Variants in MYO1B observed in about 807,000 individuals in gnomAD.
The protein encoded by MYO1B is unconventional myosin-Ib.
A neutral mutation model predicts 159.7 loss-of-function variants in MYO1B; 72 were observed. The observed-to-expected ratio is 0.45, with a 90% CI of 0.37 to 0.55. The LOEUF (loss-of-function observed/expected upper bound fraction) is 0.55. MYO1B is among the 20% of genes least tolerant of loss of function. The pLI, the probability that MYO1B is intolerant of heterozygous loss-of-function variation, is 0.00. For synonymous variants in MYO1B, 468 were observed against 473.8 expected, an observed-to-expected ratio of 0.99 and a Z score of 0.16; for missense variants, 1,062 against 1,364.8, an observed-to-expected ratio of 0.78 and a Z score of 3.50.
chr2:191,400,250 C>T (rs1297347948), intron 21 of MYO1B, 132 bp from the exon 22 acceptor site: 5 of 961,830 alleles, frequency 5.2e-6, no homozygotes, highest in Non-Finnish European at 6.6e-6. Flanking sequence ...GTCACCTTCG[C>T]CTTCTTTAAC....
In MYO1B at chr2:191,393,220, G is replaced by A. The variant is rs144746985; in HGVS notation, c.2224G>A (p.Ala742Thr). 1 of 1,613,604 alleles carries A rather than the reference G, an allele frequency of 6.2e-7. No individual in the cohort carries two copies. Among genetic ancestry groups the A allele is most frequent in the Non-Finnish European group, 8.5e-7 (1 of 1,179,672 alleles). ...IVIAAWYRRY[A>T]QQKRYQQTKS... Reference sequence around the variant, plus strand: ...GATTGCCGCCTGGTACAGGAGATATGCGGTAAGAGTCTCAGTCATTTTAAA... The same window carrying A: ...GATTGCCGCCTGGTACAGGAGATATACGGTAAGAGTCTCAGTCATTTTAAA... Residue 742 changes from alanine (A) to threonine (T), a missense_variant and splice_region_variant, in exon 20 of 31, where the codon GCG becomes ACG. By Grantham distance (58) the Ala-to-Thr change is moderately conservative. Around this residue, in one of 5 missense-constraint regions of MYO1B, gnomAD observed 609 missense variants for 744.4 expected, o/e 0.82. Coordinates refer to ENST00000392318, the MANE Select transcript of MYO1B (RefSeq NM_001130158.3).
At chr2:191,283,422 A>C (rs992121669) in intron 2 of MYO1B, among the ~76,000 whole-genome samples, 2 of 152,230 alleles carry the variant, frequency 1.3e-5, no homozygotes, top group Admixed American at 1.3e-4. Context: ...TGGCCCTGCC[A>C]CTTAGTGAGA....
intron 1 of MYO1B, among the ~76,000 whole-genome samples, chr2:191,271,554 A>G (rs1013310967): frequency 1.3e-5 from 2 of 152,100 alleles, no homozygotes; most frequent in Non-Finnish European, 2.9e-5. Flanking sequence ...ATTTAAAACC[A>G]TGTTAGTGAT....
chr2:191,341,591 C>T lies in MYO1B; in HGVS notation c.451+26C>T, dbSNP rs761309314. 1.3e-5 allele frequency: 21 copies of T among 1,572,998 alleles called. No individual in the cohort carries two copies. The East Asian group carries it at 2.7e-4, about 20-fold the overall frequency. On this transcript the variant is annotated intron_variant, in intron 5 of 30. Transcript: ENST00000392318. ...GTAGGATGTGTTATGTTCATTAAGT[C>T]GGTGTGACTCAAACAGTAGATTGAG...
chr2:191,296,705 T>G (rs1689005450), intron 3 of MYO1B, among the ~76,000 whole-genome samples: 1 of 152,226 alleles, frequency 6.6e-6, no homozygotes, highest in Non-Finnish European at 1.5e-5. Context: ...TGATTTCACT[T>G]ACTCTGGAAA....
At chr2:191,303,079 A>G (rs983404180) in intron 3 of MYO1B, among the ~76,000 whole-genome samples, 1 of 152,198 alleles carries the variant, frequency 6.6e-6, no homozygotes, top group Non-Finnish European at 1.5e-5. Context: ...TATAAAGAAC[A>G]TTTCTGACTA....
chr2:191,405,698 T>C (rs1006768006), intron 24 of MYO1B, among the ~76,000 whole-genome samples: 1 of 152,238 alleles, frequency 6.6e-6, no homozygotes, highest in Admixed American at 6.5e-5. Context: ...TTGAAAGTTC[T>C]CTCTTTTCTG....
intron 30 of MYO1B, among the ~76,000 whole-genome samples, chr2:191,423,446 A>G (rs1335798445): frequency 6.6e-6 from 1 of 152,216 alleles, no homozygotes; most frequent in Non-Finnish European, 1.5e-5. Flanking sequence ...GTATGTTTAC[A>G]TCAGTCACCA....
intron 7 of MYO1B, among the ~76,000 whole-genome samples, chr2:191,358,129 A>G (rs1693421008): frequency 6.6e-6 from 1 of 152,148 alleles, no homozygotes; most frequent in Admixed American, 6.5e-5. Context: ...GAAAATTATA[A>G]AGACTGTAAG....
chr2:191,377,504 A>G (rs969126337), intron 13 of MYO1B: 3 of 152,180 alleles, frequency 2.0e-5, no homozygotes, highest in African/African-American at 7.2e-5. Context: ...ATTGCTGGCT[A>G]TTCACACAGT....
At chr2:191,309,019 A>G (rs1689822701) in intron 3 of MYO1B, among the ~76,000 whole-genome samples, 1 of 152,150 alleles carries the variant, frequency 6.6e-6, no homozygotes. Context: ...AGATGAGCCT[A>G]CGTGGGCTTC....
At chr2:191,305,127 CA>C (rs1574386238) in intron 3 of MYO1B, among the ~76,000 whole-genome samples, 1 of 152,338 alleles carries the variant, frequency 6.6e-6, no homozygotes, top group East Asian at 1.9e-4. Flanking sequence ...GAGAGAGCCA[CA>C]GTTGGAACCC....
intron 1 of MYO1B, among the ~76,000 whole-genome samples, chr2:191,272,047 G>C (rs927205152): frequency 6.6e-6 from 1 of 152,148 alleles, no homozygotes; most frequent in African/African-American, 2.4e-5. Flanking sequence ...TTGAAATGCT[G>C]CTGTCAGTAT....
At chr2:191,346,944 C>T (rs2125974104) in intron 6 of MYO1B, among the ~76,000 whole-genome samples, 1 of 152,330 alleles carries the variant, frequency 6.6e-6, no homozygotes, top group Admixed American at 6.5e-5. Context: ...TCTTGGGTGC[C>T]TCTACCCTTT....
chr2:191,312,767 G>A (rs1366505603), intron 3 of MYO1B, among the ~76,000 whole-genome samples: 1 of 152,174 alleles, frequency 6.6e-6, no homozygotes, highest in African/African-American at 2.4e-5. Context: ...ATAAATAGAA[G>A]TTCTGATGTT....
chr2:191,351,122 C>T (rs935614942), intron 7 of MYO1B, among the ~76,000 whole-genome samples: 1 of 151,840 alleles, frequency 6.6e-6, no homozygotes, highest in Non-Finnish European at 1.5e-5. Flanking sequence ...TTCTCCTGCC[C>T]TTGCCTGCCT....
chr2:191,400,445 G>T lies in MYO1B; in HGVS notation c.2359G>T (p.Ala787Ser), dbSNP rs1268625975. 8.1e-6 allele frequency: 13 copies of T among 1,614,104 alleles called. No homozygotes were observed. The highest frequency in any genetic ancestry group is 1.1e-5 in the Non-Finnish European group (13 of 1,180,034). The change falls in exon 22 of 31, where the codon GCT becomes TCT. Residue 787 changes from alanine (A) to serine (S), a missense_variant. Ala to Ser is a moderately conservative substitution (Grantham distance 99, BLOSUM62 1). Transcript: ENST00000392318. ...CTGTAAGGAAGCAGTCACGACCATT[G>T]CTGCATATTGGCATGGGACCCAGGT... ...KRCKEAVTTI[A>S]AYWHGTQARR...
In MYO1B at chr2:191,400,596, C is replaced by G. The variant is rs530226913; in HGVS notation, c.2382+128C>G. On this transcript the variant is annotated intron_variant, in intron 22 of 30. Transcript: ENST00000392318. ...ACTGAGCACGTGTTTGCTTCTTGCT[C>G]TTTCCAACATTTTGTTGTGGGGTGG... is the stretch of plus-strand genomic sequence containing the variant. 1.6e-4 allele frequency: 214 copies of G among 1,358,812 alleles called. No individual in the cohort carries two copies. In the African/African-American group the frequency reaches 1.8e-3, roughly 11 times the overall value. 84.2% of individuals were successfully genotyped at this position (1,358,812 alleles called of 1,614,324 possible).
chr2:191,370,247 G>A lies in MYO1B; in HGVS notation c.1140G>A (p.Lys380=). 1 of 1,612,798 alleles carries A rather than the reference G, an allele frequency of 6.2e-7. No individual in the cohort carries two copies. The highest frequency in any genetic ancestry group is 8.5e-7 in the Non-Finnish European group (1 of 1,179,516). ...ESIKAQTKVR[K]KVMGVLDIYG... The stretch of plus-strand genomic sequence containing the variant: ...TAAAGGCACAAACAAAAGTGAGAAA[G>A]AAGGTCATGGGTGTTCTGGACATTT... The change falls in exon 13 of 31, where the codon AAG becomes AAA. Residue 380 remains lysine (K), a synonymous_variant. Coordinates refer to ENST00000392318, the MANE Select transcript of MYO1B (RefSeq NM_001130158.3).
Sources: allele counts gnomAD v4.1 joint callset (sites outside exome capture counted in the v4.1 genomes callset), GRCh38; gene constraint gnomAD v4.1.1; regional missense constraint gnomAD v4.1.1; transcripts MANE v1.5; gene names NCBI Gene and HGNC (gene_info 2026-07-23, HGNC 2026-07-21).